Variants in KPNA1 observed in about 807,000 individuals in gnomAD.
KPNA1 encodes the protein importin subunit alpha-5.
Under a neutral mutation model 70.5 loss-of-function variants are expected in KPNA1, and 10 were observed. The ratio of observed to expected loss-of-function variants is 0.14; its 90% CI spans 0.09 to 0.24. The LOEUF is 0.24. KPNA1 is among the 10% of genes least tolerant of loss of function. The probability of loss-of-function intolerance (pLI) is 1.00; values close to 1 mark genes in which losing one functional copy is unlikely to be tolerated. For synonymous variants in KPNA1, 192 were observed against 221.9 expected (o/e 0.87, Z 1.20); for missense variants, 397 against 637.9 (o/e 0.62, Z 4.07).
At chr3:122,447,625 C>T (rs970673955) in intron 9 of KPNA1, among the ~76,000 whole-genome samples, 1 of 152,140 alleles carries the variant, frequency 6.6e-6, no homozygotes, top group Non-Finnish European at 1.5e-5. Context: ...GACAAGGATG[C>T]CCTCTCTCAG....
intron 12 of KPNA1, among the ~76,000 whole-genome samples, chr3:122,429,366 T>C (rs1462341989): frequency 7.1e-6 from 1 of 140,080 alleles, no homozygotes; most frequent in African/African-American, 2.7e-5. Flanking sequence ...CAGAATTGCT[T>C]GAACACAGGA....
At chr3:122,442,008 G>A (rs1430628625) in intron 10 of KPNA1, 30 bp downstream of exon 10, 1 of 1,468,984 alleles carries the variant, frequency 6.8e-7, no homozygotes, top group Non-Finnish European at 9.5e-7. Flanking sequence ...TGTTTTTAAA[G>A]GACAAAAAAA....
intron 4 of KPNA1, among the ~76,000 whole-genome samples, chr3:122,462,430 T>C (rs1205167199): frequency 1.3e-5 from 2 of 152,120 alleles, no homozygotes; most frequent in East Asian, 1.9e-4. Flanking sequence ...ATTATCAAAA[T>C]AGACACTCTT....
Position 122,451,953 on chromosome 3 carries a change from GGAA to G in KPNA1, c.653+20_653+22del, listed in dbSNP as rs1258301307. On this transcript the variant is annotated intron_variant, in intron 7 of 13. Transcript: ENST00000344337. ...TTTTATTCTCAAAAAGAAAAAAAAA[GGAA>G]GAAGGAAGAAGAAACTTACTGCAAA... 2.2e-6 allele frequency: 3 copies of G among 1,387,228 alleles called. No homozygotes were observed. Among genetic ancestry groups the G allele is most frequent in the South Asian group, 1.3e-5 (1 of 79,766 alleles). The allele number at this position is 1,387,228 out of a possible 1,614,324, so 85.9% of individuals were successfully genotyped here. A position where few individuals can be genotyped will look rare whatever the true frequency, so the allele number is the denominator to read the frequency against.
intron 11 of KPNA1, among the ~76,000 whole-genome samples, chr3:122,435,629 T>G (rs1357255735): frequency 6.6e-6 from 1 of 152,206 alleles, no homozygotes; most frequent in Non-Finnish European, 1.5e-5. Context: ...ACATAAATTG[T>G]GAAGATTTCA....
intron 10 of KPNA1, among the ~76,000 whole-genome samples, chr3:122,437,839 T>C (rs1214420581): frequency 6.6e-6 from 1 of 152,146 alleles, no homozygotes; most frequent in African/African-American, 2.4e-5. Flanking sequence ...TAATATAAGT[T>C]TGATTAAAAT....
intron 1 of KPNA1, among the ~76,000 whole-genome samples, chr3:122,498,721 G>GT (rs1382843532): frequency 6.6e-6 from 1 of 152,014 alleles, no homozygotes; most frequent in Non-Finnish European, 1.5e-5. Context: ...TTTCAAGATT[G>GT]TTTTGGCTAT....
intron 11 of KPNA1, among the ~76,000 whole-genome samples, chr3:122,434,412 T>C (rs1003485555): frequency 5.3e-5 from 8 of 152,206 alleles, no homozygotes; most frequent in African/African-American, 1.9e-4. Context: ...TTCCATTCTC[T>C]CATAGCATGT....
chr3:122,501,042 T>G (rs2076823753), intron 1 of KPNA1, among the ~76,000 whole-genome samples: 1 of 150,136 alleles, frequency 6.7e-6, no homozygotes, highest in South Asian at 2.1e-4. Context: ...TTTTTTTTTT[T>G]TTTTGAGACA....
At chr3:122,513,555 G>A (rs2076979887) in intron 1 of KPNA1, among the ~76,000 whole-genome samples, 2 of 151,996 alleles carry the variant, frequency 1.3e-5, no homozygotes, top group Admixed American at 1.3e-4. Flanking sequence ...GGTGGCATCC[G>A]CCTGTAGTTC....
intron 5 of KPNA1, among the ~76,000 whole-genome samples, chr3:122,458,336 G>A (rs770468208): frequency 2.4e-4 from 36 of 152,070 alleles, no homozygotes; most frequent in Non-Finnish European, 3.8e-4. Context: ...TTGAGAATGC[G>A]CTTAGCTAAA....
At chr3:122,499,790 T>C (rs2076805422) in intron 1 of KPNA1, among the ~76,000 whole-genome samples, 1 of 152,012 alleles carries the variant, frequency 6.6e-6, no homozygotes, top group Non-Finnish European at 1.5e-5. Context: ...GACGGGTTTA[T>C]ATTTTCTTGT....
At chr3:122,464,336 T>C (rs1206574548) in intron 3 of KPNA1, 1 of 248,282 alleles carries the variant, frequency 4.0e-6, no homozygotes, top group Non-Finnish European at 7.6e-6. Flanking sequence ...TATTCTTTCT[T>C]ATCAAAATTA....
chr3:122,441,412 G>A (rs897525936), intron 10 of KPNA1, among the ~76,000 whole-genome samples: 3 of 152,142 alleles, frequency 2.0e-5, no homozygotes, highest in African/African-American at 7.2e-5. Context: ...GTGATATTGA[G>A]ATGAAAAAGA....
chr3:122,440,051 G>C (rs2332180), intron 10 of KPNA1, among the ~76,000 whole-genome samples: 92,136 of 151,978 alleles, frequency 0.61, 28,258 homozygotes, highest in East Asian at 0.77. Context: ...TAGGTCAGAA[G>C]TAGATGTAGA....
intron 2 of KPNA1, chr3:122,482,883 G>A (rs2076587206): frequency 6.6e-6 from 1 of 152,188 alleles, no homozygotes; most frequent in African/African-American, 2.4e-5. Context: ...GTAGAGACTG[G>A]GGAGGACGGG....
chr3:122,444,974 TA>T (rs1171412181), intron 9 of KPNA1, among the ~76,000 whole-genome samples: 1 of 152,232 alleles, frequency 6.6e-6, no homozygotes, highest in Non-Finnish European at 1.5e-5. Context: ...CTGAAAATTC[TA>T]AAAACCAGAG....
chr3:122,507,108 C>T (rs1055044551), intron 1 of KPNA1, among the ~76,000 whole-genome samples: 30 of 152,200 alleles, frequency 2.0e-4, no homozygotes, highest in African/African-American at 6.5e-4. Context: ...CCAACCTACA[C>T]TATTCTCTAT....
At chr3:122,460,117 T>C (rs544126259) in intron 5 of KPNA1, 2 of 985,280 alleles carry the variant, frequency 2.0e-6, no homozygotes, top group African/African-American at 1.7e-5. Flanking sequence ...TATAGCTGCA[T>C]AGTCTCAGGG....
Sources: gnomAD v4.1 joint callset for allele counts (sites outside exome capture counted in the v4.1 genomes callset) on GRCh38, gnomAD v4.1.1 for gene constraint, MANE v1.5 for transcripts, NCBI Gene and HGNC (gene_info 2026-07-23, HGNC 2026-07-21) for gene names.